UNC13A: variants seen among roughly 807,000 people sequenced by gnomAD.
The protein encoded by UNC13A is protein unc-13 homolog A.
In UNC13A, 61 loss-of-function variants were observed where a neutral mutation model predicts 219.7. The ratio of observed to expected loss-of-function variants is 0.28; its 90% CI spans 0.23 to 0.34. The LOEUF (loss-of-function observed/expected upper bound fraction) is 0.34, where lower values mean the gene tolerates loss of function less well. Ranked by LOEUF, UNC13A falls within the 10% of genes least tolerant of loss-of-function variation. UNC13A has a pLI of 1.00. For synonymous variants in UNC13A, 920 were observed against 884.6 expected, an observed-to-expected ratio of 1.04 and a Z score of -0.71; for missense variants, 1,476 against 2,270.3, an observed-to-expected ratio of 0.65 and a Z score of 7.11.
At chr19:17,616,322 GACGATCCTTTT>G in intron 41 of UNC13A, 1 of 654,596 alleles carries the variant, frequency 1.5e-6, no homozygotes, top group Admixed American at 2.2e-5. Flanking sequence ...GAGGCAGAAG[GACGATCCTTTT>G]ACTAGCCGGG....
intron 41 of UNC13A, among the ~76,000 whole-genome samples, chr19:17,613,155 C>G (rs1304739914): frequency 6.6e-6 from 1 of 152,012 alleles, no homozygotes; most frequent in African/African-American, 2.4e-5. Flanking sequence ...TCACTTGAAC[C>G]TGGGAGGCAG....
chr19:17,608,355 A>C (rs1286987736), intron 43 of UNC13A, among the ~76,000 whole-genome samples: 1 of 122,586 alleles, frequency 8.2e-6, no homozygotes, highest in Non-Finnish European at 1.6e-5. Flanking sequence ...TTTATATATA[A>C]TATAAATATA....
Position 17,684,008 on chromosome 19 carries a change from A to T in UNC13A, c.22+4170T>A, listed in dbSNP as rs567298791. 1.1e-3 allele frequency among the ~76,000 whole-genome samples: 172 copies of T among 152,286 alleles called. 1 individual carries two copies. Among genetic ancestry groups the T allele is most frequent in the African/African-American group, 3.9e-3 (162 of 41,570 alleles). On this transcript the variant is annotated intron_variant, in intron 1 of 43. Transcript: ENST00000519716. Reference sequence around the variant, plus strand: ...CTACTTGGGAGGCTGAGGCAGGAGGATCACTTGAGCCCTGGAGGTCAAGGC... The same window carrying T: ...CTACTTGGGAGGCTGAGGCAGGAGGTTCACTTGAGCCCTGGAGGTCAAGGC...
intron 31 of UNC13A, among the ~76,000 whole-genome samples, chr19:17,628,943 G>A (rs1259586481): frequency 6.6e-6 from 1 of 151,438 alleles, no homozygotes; most frequent in Non-Finnish European, 1.5e-5. Context: ...GATCAGACAC[G>A]CACACTCAGA....
chr19:17,634,855 C>A (rs574043099), intron 26 of UNC13A, among the ~76,000 whole-genome samples: 1 of 151,904 alleles, frequency 6.6e-6, no homozygotes, highest in Admixed American at 6.6e-5. Flanking sequence ...CCACCACGCC[C>A]GGTTAATTTT....
chr19:17,627,550 G>A lies in UNC13A; in HGVS notation c.3879C>T (p.Leu1293=). 6.4e-7 allele frequency: 1 copy of A among 1,564,220 alleles called. No individual in the cohort carries two copies. The highest frequency in any genetic ancestry group is 8.7e-7 in the Non-Finnish European group (1 of 1,153,610). ...SDILKELQVK[L]NNVLDELSRV... is the part of the protein sequence containing the mutation. ...GGCTGAGCTCATCCAAGACGTTATTGAGTTTCACCTGAAGCTCCTTCAGGA... is the reference window on the plus strand; with the variant it reads ...GGCTGAGCTCATCCAAGACGTTATTAAGTTTCACCTGAAGCTCCTTCAGGA... The change falls in exon 33 of 44, where the codon CTC becomes CTT. Residue 1293 remains leucine, a synonymous_variant. Transcript: ENST00000519716. This position sits in a 1 kb window ranked among gnomAD's most constrained non-coding sequence, Gnocchi z 4.7.
Position 17,633,090 on chromosome 19 carries a change from C to G in UNC13A, c.3301+18G>C. On this transcript the variant is annotated intron_variant, in intron 27 of 43. Transcript: ENST00000519716. ...CCTGGTGTGGCCAGGCTGGGGAACA[C>G]TGGGGTGGGAAACTCACCCTCCATG... 6.2e-7 allele frequency: 1 copy of G among 1,613,820 alleles called. No homozygotes were observed. The highest frequency in any genetic ancestry group is 1.3e-5 in the African/African-American group (1 of 75,030).
chr19:17,676,933 G>C (rs1214166225), intron 1 of UNC13A, among the ~76,000 whole-genome samples: 1 of 152,120 alleles, frequency 6.6e-6, no homozygotes, highest in Non-Finnish European at 1.5e-5. Context: ...AGAATCACTT[G>C]AACCCAGGAG....
At chr19:17,620,632 CA>C (rs2076719182) in intron 38 of UNC13A, 60 bp downstream of exon 38, 9 of 1,515,990 alleles carry the variant, frequency 5.9e-6, no homozygotes, top group African/African-American at 1.4e-5. Flanking sequence ...GAAGGGGGCA[CA>C]GGGGTGGGGT....
chr19:17,615,553 C>T (rs1278482884), intron 41 of UNC13A, among the ~76,000 whole-genome samples: 2 of 152,086 alleles, frequency 1.3e-5, no homozygotes, highest in Non-Finnish European at 2.9e-5. Context: ...GTGGTGCGGG[C>T]CTGTAATCCC....
At chr19:17,664,964 C>G (rs2079614595) in intron 7 of UNC13A, among the ~76,000 whole-genome samples, 1 of 152,118 alleles carries the variant, frequency 6.6e-6, no homozygotes, top group Admixed American at 6.6e-5. Context: ...CTTTGGGAAG[C>G]TGAGGTGGGC....
intron 5 of UNC13A, among the ~76,000 whole-genome samples, chr19:17,668,886 C>T (rs553668116): frequency 1.3e-5 from 2 of 152,308 alleles, no homozygotes; most frequent in East Asian, 3.9e-4. Flanking sequence ...GCCTCAAACT[C>T]CTGGGCTTGA....
At chr19:17,608,210 C>G (rs1379530185) in intron 43 of UNC13A, among the ~76,000 whole-genome samples, 1 of 144,108 alleles carries the variant, frequency 6.9e-6, no homozygotes, top group Non-Finnish European at 1.5e-5. Context: ...CAACACACAG[C>G]TAATATTTTT....
chr19:17,652,716 C>T (rs1167381206), intron 11 of UNC13A, 39 bp from the exon 12 acceptor site: 1 of 1,612,132 alleles, frequency 6.2e-7, no homozygotes, highest in Non-Finnish European at 8.5e-7. Flanking sequence ...GTGTGGCTGT[C>T]CCTCCCCTCC....
At chr19:17,626,921 CG>C in intron 33 of UNC13A, 136 bp from the exon 34 acceptor site, 5 of 1,307,836 alleles carry the variant, frequency 3.8e-6, no homozygotes, top group Non-Finnish European at 5.0e-6. Context: ...AGGCCAGATG[CG>C]GTGGCTCACG....
rs780747664 is a variant in UNC13A, at chr19:17,618,943, T to C, written c.4292A>G (p.Asn1431Ser). 68 of 1,613,856 alleles carry C rather than the reference T, an allele frequency of 4.2e-5. No homozygotes were observed. The highest frequency in any genetic ancestry group is 8.8e-5 in the South Asian group (8 of 91,090). ...SHSDGTQMIF[N>S]AAKELGQLSK... ...CAGCTGACCCAGCTCCTTGGCTGCA[T>C]TGAAGATCATCTGGGTTCCCTGCAG... The change falls in exon 39 of 44, where the codon AAT (asparagine) becomes AGT (serine). Residue 1431 changes from asparagine (N) to serine (S), a missense_variant. Around this residue, in one of 14 missense-constraint regions of UNC13A, gnomAD observed 75 missense variants for 100.2 expected, o/e 0.75. Coordinates refer to ENST00000519716, the MANE Select transcript of UNC13A (RefSeq NM_001080421.3).
At chr19:17,641,270 CCA>C in intron 21 of UNC13A, 121 bp downstream of exon 21, 1 of 1,243,852 alleles carries the variant, frequency 8.0e-7, no homozygotes, top group Non-Finnish European at 1.1e-6. Flanking sequence ...ATTACGGAAC[CCA>C]CCACCACCAC....
chr19:17,676,153 A>G (rs2079894739), intron 1 of UNC13A, 112 bp from the exon 2 acceptor site: 1 of 1,133,690 alleles, frequency 8.8e-7, no homozygotes, highest in Admixed American at 2.0e-5. Context: ...AAGGAGAGAG[A>G]CACAGAGGAG....
intron 6 of UNC13A, 47 bp downstream of exon 6, chr19:17,668,070 G>C: frequency 6.3e-7 from 1 of 1,584,246 alleles, no homozygotes; most frequent in Non-Finnish European, 8.7e-7. Flanking sequence ...TGGGGAGACA[G>C]AGACAGAAAC....
Sources: gnomAD v4.1 joint callset for allele counts (sites outside exome capture counted in the v4.1 genomes callset) on GRCh38, gnomAD v4.1.1 for gene constraint, gnomAD v4.1.1 regional missense constraint, Gnocchi (gnomAD v3.1) non-coding constraint, MANE v1.5 for transcripts, NCBI Gene and HGNC (gene_info 2026-07-23, HGNC 2026-07-21) for gene names.